Variants in RBBP6 observed in about 807,000 individuals in gnomAD.
RBBP6 encodes E3 ubiquitin-protein ligase RBBP6.
Under a neutral mutation model 167.7 loss-of-function variants are expected in RBBP6, and 25 were observed. That is an observed-to-expected ratio of 0.15 (90% CI 0.11 to 0.21). RBBP6 has a LOEUF of 0.21. Among genes scored for constraint, RBBP6 ranks in the 10% least tolerant of loss-of-function variants. The probability of loss-of-function intolerance (pLI) is 1.00; values close to 1 mark genes in which losing one functional copy is unlikely to be tolerated. For synonymous variants in RBBP6, 789 were observed against 735.8 expected (o/e 1.07, Z -1.17); for missense variants, 1,868 against 2,134.2 (o/e 0.88, Z 2.46).
intron 8 of RBBP6, among the ~76,000 whole-genome samples, chr16:24,560,139 TCTCA>T (rs1899014879): frequency 2.1e-5 from 3 of 143,234 alleles, no homozygotes; most frequent in African/African-American, 7.8e-5. Context: ...TGAGACAGAG[TCTCA>T]CTGTCTCCCA....
intron 8 of RBBP6, among the ~76,000 whole-genome samples, chr16:24,560,926 C>A (rs1899038189): frequency 6.6e-6 from 1 of 152,068 alleles, no homozygotes; most frequent in African/African-American, 2.4e-5. Context: ...ATTTTTTGAC[C>A]TCTTCAGTGA....
At chr16:24,550,728 C>A in intron 3 of RBBP6, among the ~76,000 whole-genome samples, 1 of 150,494 alleles carries the variant, frequency 6.6e-6, no homozygotes, top group African/African-American at 2.4e-5. Context: ...TTAGGTTTCT[C>A]TTTTCTTTTC....
chr16:24,548,970 A>G lies in RBBP6; in HGVS notation c.292A>G (p.Thr98Ala), dbSNP rs1480714185. 15 of 1,610,998 alleles carry G rather than the reference A, an allele frequency of 9.3e-6. No individual in the cohort carries two copies. Among genetic ancestry groups the G allele is most frequent in the Middle Eastern group, 1.6e-4 (1 of 6,076 alleles). Residue 98 changes from threonine (T) to alanine (A), a missense_variant, in exon 3 of 18, where the codon ACT (threonine) becomes GCT (alanine). Coordinates refer to ENST00000319715, the MANE Select transcript of RBBP6 (RefSeq NM_006910.5). ...VISRTEPAMA[T>A]TKAIDDSSAS... Reference sequence around the variant, plus strand: ...AAGTCGAACTGAACCAGCGATGGCAACTACAAAAGCAGTATGTAAAAACAC... The same window carrying G: ...AAGTCGAACTGAACCAGCGATGGCAGCTACAAAAGCAGTATGTAAAAACAC...
intron 7 of RBBP6, 124 bp from the exon 8 acceptor site, chr16:24,559,381 G>T: frequency 1.5e-6 from 1 of 646,524 alleles, no homozygotes. Flanking sequence ...AGAAGATATG[G>T]TGCTTGTCTA....
chr16:24,541,613 T>C (rs902797821), intron 1 of RBBP6, among the ~76,000 whole-genome samples: 1 of 152,250 alleles, frequency 6.6e-6, no homozygotes, highest in African/African-American at 2.4e-5. Context: ...AAGCCACTGA[T>C]AAGAATCGTT....
Position 24,572,201 on chromosome 16 carries a change from G to A in RBBP6, c.5135G>A (p.Arg1712Gln), listed in dbSNP as rs752112136. The change falls in exon 18 of 18, where the codon CGA becomes CAA. Residue 1712 changes from arginine to glutamine, a missense_variant. Arg to Gln is a conservative substitution (Grantham distance 43). This residue lies in a region of RBBP6 where 591 missense variants were observed against 540.5 expected (regional missense o/e 1.09). Transcript: ENST00000319715. ...RSHSPSGSQT[R>Q]SHSSSASSAE... ...CACAGTCCTTCTGGAAGCCAGACCCGAAGCCACAGTAGCAGTGCCAGCTCA... is the reference window on the plus strand; with the variant it reads ...CACAGTCCTTCTGGAAGCCAGACCCAAAGCCACAGTAGCAGTGCCAGCTCA... 9.9e-6 allele frequency: 16 copies of A among 1,613,896 alleles called. No homozygotes were observed. In the East Asian group the frequency reaches 1.6e-4, roughly 16 times the overall value.
At position 24,569,822 on chromosome 16, in the gene RBBP6, A is replaced by G; in HGVS notation, c.3132A>G (p.Lys1044=). The change falls in exon 17 of 18, where the codon AAA becomes AAG. Residue 1044 remains lysine (K), a synonymous_variant. Transcript: ENST00000319715. Reference sequence around the variant, plus strand: ...AACCTGCTAAAGGACCCCAAGAAAAAGTAGATGGAGAACGTGAGAGATCTC... The same window carrying G: ...AACCTGCTAAAGGACCCCAAGAAAAGGTAGATGGAGAACGTGAGAGATCTC... ...IVKPAKGPQE[K]VDGERERSPR... The G allele has an allele frequency of 6.2e-7, 1 of 1,611,972 alleles. No homozygotes were observed. Among genetic ancestry groups the G allele is most frequent in the South Asian group, 1.1e-5 (1 of 90,550 alleles).
chr16:24,570,811 T>C, intron 17 of RBBP6, 65 bp from the exon 18 acceptor site: 1 of 1,219,030 alleles, frequency 8.2e-7, no homozygotes, highest in Non-Finnish European at 1.1e-6. Flanking sequence ...TTTTTATATT[T>C]ATCAGTGTTT....
chr16:24,567,827 A>G lies in RBBP6; in HGVS notation c.1988A>G (p.Asn663Ser), dbSNP rs764144033. 6.2e-7 allele frequency: 1 copy of G among 1,613,788 alleles called. No individual in the cohort carries two copies. Among genetic ancestry groups the G allele is most frequent in the South Asian group, 1.1e-5 (1 of 91,060 alleles). ...AAGTCCAAGCTAGATGAGTTTACAA[A>G]TGATTTTGCTAAGGAATTGATGGAA... The part of the protein sequence containing the change: ...KKKSKLDEFT[N>S]DFAKELMEYK... The change falls in exon 16 of 18, where the codon AAT becomes AGT. Residue 663 changes from asparagine (N) to serine (S), a missense_variant. Around this residue, in one of 7 missense-constraint regions of RBBP6, gnomAD observed 145 missense variants for 224.3 expected, o/e 0.65. Coordinates refer to ENST00000319715, the MANE Select transcript of RBBP6 (RefSeq NM_006910.5).
rs750418111 is a variant in RBBP6, at chr16:24,570,519, G to C, written c.3809+20G>C. On this transcript the variant is annotated intron_variant, in intron 17 of 17. Transcript: ENST00000319715. ...CACCAGGTAGCTGAGTGTAGGGGGT[G>C]GGTGTGGAACTTTGTTGGGAGAAGG... 2 of 1,536,610 alleles carry C rather than the reference G, an allele frequency of 1.3e-6. No individual in the cohort carries two copies. Among genetic ancestry groups the C allele is most frequent in the South Asian group, 2.6e-5 (2 of 77,582 alleles).
chr16:24,553,522 T>C lies in RBBP6; in HGVS notation c.313T>C (p.Ser105Pro). The change falls in exon 4 of 18, where the codon TCT becomes CCT. Residue 105 changes from serine (S) to proline (P), a missense_variant. Coordinates refer to ENST00000319715, the MANE Select transcript of RBBP6 (RefSeq NM_006910.5). Reference sequence around the variant, plus strand: ...AATTTTTTGTGAACAGATTGATGACTCTTCCGCGTCTATTTCTCTGGCCCA... The same window carrying C: ...AATTTTTTGTGAACAGATTGATGACCCTTCCGCGTCTATTTCTCTGGCCCA... ...AMATTKAIDD[S>P]SASISLAQLT... is the part of the protein sequence containing the mutation. 1 of 1,610,518 alleles carries C rather than the reference T, an allele frequency of 6.2e-7. No individual in the cohort carries two copies. The highest frequency in any genetic ancestry group is 8.5e-7 in the Non-Finnish European group (1 of 1,177,478).
chr16:24,553,611 T>TTTTTA, intron 4 of RBBP6, 54 bp downstream of exon 4: 1 of 1,410,144 alleles, frequency 7.1e-7, no homozygotes, highest in Non-Finnish European at 9.6e-7. Context: ...ACATCATATT[T>TTTTTA]TTTTATGTGG....
intron 1 of RBBP6, among the ~76,000 whole-genome samples, chr16:24,544,242 A>G (rs1245496099): frequency 6.6e-6 from 1 of 152,162 alleles, no homozygotes; most frequent in African/African-American, 2.4e-5. Flanking sequence ...ACTTTTAAAA[A>G]AATCTAGTCA....
chr16:24,559,441 G>A, intron 7 of RBBP6, 64 bp from the exon 8 acceptor site: 1 of 1,345,462 alleles, frequency 7.4e-7, no homozygotes, highest in South Asian at 1.4e-5. Flanking sequence ...TGTTATAGTA[G>A]AACATGTAGC....
Position 24,571,697 on chromosome 16 carries a change from A to G in RBBP6, c.4631A>G (p.Asp1544Gly), listed in dbSNP as rs1226966844. The change falls in exon 18 of 18, where the codon GAT becomes GGT. Residue 1544 changes from aspartate to glycine, a missense_variant. Coordinates refer to ENST00000319715, the MANE Select transcript of RBBP6 (RefSeq NM_006910.5). ...CCCTCAAGAGACAGAAAACCTCATG[A>G]TCACAAAGCCACTTATGATACTAAA... Reference protein sequence around the residue: ...SSPSRDRKPHDHKATYDTKRP... With the variant: ...SSPSRDRKPHGHKATYDTKRP... 3.1e-6 allele frequency: 5 copies of G among 1,614,068 alleles called. No homozygotes were observed. Among genetic ancestry groups the G allele is most frequent in the Non-Finnish European group, 3.4e-6 (4 of 1,180,030 alleles).
At chr16:24,546,322 T>A in intron 2 of RBBP6, 60 bp downstream of exon 2, 1 of 1,443,186 alleles carries the variant, frequency 6.9e-7, no homozygotes, top group South Asian at 1.5e-5. Context: ...TTTAATTTTG[T>A]GAGAAAAAAC....
intron 14 of RBBP6, among the ~76,000 whole-genome samples, chr16:24,565,348 G>A (rs1020845787): frequency 6.6e-6 from 1 of 152,220 alleles, no homozygotes; most frequent in African/African-American, 2.4e-5. Context: ...GCCCTAGTGG[G>A]CGGGTACAAG....
intron 17 of RBBP6, 40 bp from the exon 18 acceptor site, chr16:24,570,836 A>T: frequency 7.5e-7 from 1 of 1,340,584 alleles, no homozygotes; most frequent in Non-Finnish European, 9.8e-7. Context: ...ATTAATAGTA[A>T]ATTCTTCATT....
intron 1 of RBBP6, among the ~76,000 whole-genome samples, chr16:24,544,881 TTTC>T (rs1898599974): frequency 6.6e-6 from 1 of 152,056 alleles, no homozygotes. Context: ...CTGATTCCTC[TTTC>T]TTCTTCATTT....
Sources: allele counts gnomAD v4.1 joint callset (sites outside exome capture counted in the v4.1 genomes callset), GRCh38; gene constraint gnomAD v4.1.1; regional missense constraint gnomAD v4.1.1; transcripts MANE v1.5; gene names NCBI Gene and HGNC (gene_info 2026-07-23, HGNC 2026-07-21).